NOP58: variants seen among roughly 807,000 people sequenced by gnomAD.
The protein encoded by NOP58 is nucleolar protein 58.
A neutral mutation model predicts 71.2 loss-of-function variants in NOP58; 44 were observed. The observed-to-expected ratio is 0.62, with a 90% CI of 0.49 to 0.79. The LOEUF is 0.79. Ranked by LOEUF, NOP58 falls within the 30% of genes least tolerant of loss-of-function variation. The pLI is 0.00. For missense variants in NOP58, 538 were observed against 620.2 expected, an observed-to-expected ratio of 0.87 and a Z score of 1.41; for synonymous variants, 228 against 200.3, an observed-to-expected ratio of 1.14 and a Z score of -1.17.
At chr2:202,286,226 C>T (rs7568159) in intron 5 of NOP58, among the ~76,000 whole-genome samples, 34,880 of 147,208 alleles carry the variant, frequency 0.24, 6,415 homozygotes, top group African/African-American at 0.51. Flanking sequence ...ATAGGCCAGG[C>T]GCAGTGGCTC....
At chr2:202,274,946 G>C (rs1231478332) in intron 1 of NOP58, among the ~76,000 whole-genome samples, 167 bp from the exon 2 acceptor site, 1 of 152,138 alleles carries the variant, frequency 6.6e-6, no homozygotes, top group Non-Finnish European at 1.5e-5. Flanking sequence ...ATTCGAACTA[G>C]TAATTTGACC....
intron 9 of NOP58, among the ~76,000 whole-genome samples, chr2:202,294,922 G>A (rs915986523): frequency 2.0e-5 from 3 of 151,164 alleles, no homozygotes; most frequent in East Asian, 1.9e-4. Flanking sequence ...CCAAGATCGC[G>A]CCACTGCACT....
chr2:202,277,459 C>G (rs1449448006), intron 2 of NOP58, among the ~76,000 whole-genome samples: 2 of 150,062 alleles, frequency 1.3e-5, no homozygotes. Context: ...GCGTGGGTGA[C>G]AGTGAGATTC....
chr2:202,284,636 C>A, intron 5 of NOP58, 155 bp downstream of exon 5: 1 of 756,602 alleles, frequency 1.3e-6, no homozygotes, highest in Non-Finnish European at 2.0e-6. Context: ...GAAACTGAAG[C>A]CCAAGGTCAA....
At chr2:202,275,924 C>T (rs1182978688) in intron 2 of NOP58, among the ~76,000 whole-genome samples, 2 of 152,160 alleles carry the variant, frequency 1.3e-5, no homozygotes, top group Admixed American at 6.5e-5. Context: ...CTGCCTCGGC[C>T]TCACAAAGTG....
chr2:202,277,721 C>T (rs998086212), intron 2 of NOP58, among the ~76,000 whole-genome samples: 1 of 152,104 alleles, frequency 6.6e-6, no homozygotes, highest in Admixed American at 6.6e-5. Flanking sequence ...AAAATTTCCT[C>T]CAAAGCCTAC....
chr2:202,271,844 C>T (rs113877201), intron 1 of NOP58, among the ~76,000 whole-genome samples: 18,604 of 151,698 alleles, frequency 0.12, 3,853 homozygotes, highest in African/African-American at 0.43. Context: ...CTTGGGAGGC[C>T]GAGGCAGAAG....
chr2:202,282,140 C>T (rs1406402779), intron 3 of NOP58, among the ~76,000 whole-genome samples: 1 of 152,148 alleles, frequency 6.6e-6, no homozygotes, highest in Non-Finnish European at 1.5e-5. Context: ...CCTGATTTTA[C>T]CCCTGGCTCT....
chr2:202,290,368 G>A lies in NOP58; in HGVS notation c.545G>A (p.Arg182Gln). 3.7e-6 allele frequency: 6 copies of A among 1,603,982 alleles called. No homozygotes were observed. Among genetic ancestry groups the A allele is most frequent in the South Asian group, 1.1e-5 (1 of 90,788 alleles). ...AAAGAACTAAACAACTACATTATGC[G>A]ATGTAGAGAATGGTATGGCTGGCAT... Reference protein sequence around the residue: ...LDKELNNYIMRCREWYGWHFP... With the variant: ...LDKELNNYIMQCREWYGWHFP... The change falls in exon 7 of 15, where the codon CGA becomes CAA. Residue 182 changes from arginine (R) to glutamine (Q), a missense_variant. Transcript: ENST00000264279.
At position 202,303,378 on chromosome 2, in the gene NOP58, A is replaced by C; in HGVS notation, c.1540-8A>C. The stretch of plus-strand genomic sequence containing the variant: ...CTCTTTCAAAGCATTCTTGTTGGCT[A>C]TTTTCAGAGTCCAGAGAAAAAGAAG... On this transcript the variant is annotated splice_polypyrimidine_tract_variant and splice_region_variant and intron_variant, in intron 14 of 14. Coordinates refer to ENST00000264279, the MANE Select transcript of NOP58 (RefSeq NM_015934.5). 1 of 1,612,550 alleles carries C rather than the reference A, an allele frequency of 6.2e-7. No individual in the cohort carries two copies. Among genetic ancestry groups the C allele is most frequent in the South Asian group, 1.1e-5 (1 of 90,860 alleles).
At chr2:202,267,365 A>T (rs186821251) in intron 1 of NOP58, among the ~76,000 whole-genome samples, 1 of 152,258 alleles carries the variant, frequency 6.6e-6, no homozygotes, top group Non-Finnish European at 1.5e-5. Flanking sequence ...GAAAATACGC[A>T]GTTTGCATTT....
At chr2:202,291,312 C>CTCTA in intron 8 of NOP58, 42 bp downstream of exon 8, 2 of 1,457,540 alleles carry the variant, frequency 1.4e-6, no homozygotes, top group Non-Finnish European at 1.9e-6. Flanking sequence ...GTGTTACCAG[C>CTCTA]TCTATAGTAC....
At chr2:202,298,053 G>A (rs1689024280) in intron 12 of NOP58, 147 bp downstream of exon 12, 2 of 515,444 alleles carry the variant, frequency 3.9e-6, no homozygotes, top group Non-Finnish European at 6.9e-6. Flanking sequence ...TTTATTGTGT[G>A]TATGTTGTTT....
intron 10 of NOP58, among the ~76,000 whole-genome samples, 182 bp downstream of exon 10, chr2:202,296,019 C>G (rs1688980968): frequency 6.6e-6 from 1 of 151,972 alleles, no homozygotes. Context: ...TTAGAAGAAA[C>G]TGTTATTGGT....
rs555759585 is a variant in NOP58 at position 202,278,833 on chromosome 2, T to C, written c.175+831T>C. ...TTGTTAAATAACCACAGGAGAAAGG[T>C]ACAGTTTTTGTCTGAAAATTTGGAA... is the stretch of plus-strand genomic sequence containing the variant. On this transcript the variant is annotated intron_variant, in intron 3 of 14. Coordinates refer to ENST00000264279, the MANE Select transcript of NOP58 (RefSeq NM_015934.5). Among the ~76,000 whole-genome samples the C allele has an allele frequency of 1.1e-3, 175 of 152,230 alleles. 1 individual carries two copies. Among genetic ancestry groups the C allele is most frequent in the African/African-American group, 4.0e-3 (167 of 41,538 alleles).
chr2:202,292,834 A>G lies in NOP58; in HGVS notation c.838A>G (p.Met280Val), dbSNP rs1394392551. The part of the protein sequence containing the change: ...QLYEYLQNRM[M>V]AIAPNVTVMV... Reference sequence around the variant, plus strand: ...CTATGAATATCTACAAAATCGAATGATGGCCATTGCACCCAATGTTACAGT... The same window carrying G: ...CTATGAATATCTACAAAATCGAATGGTGGCCATTGCACCCAATGTTACAGT... Residue 280 changes from methionine (M) to valine (V), a missense_variant, in exon 9 of 15, where the codon ATG (methionine) becomes GTG (valine). Physicochemically the swap from Met to Val is conservative, Grantham distance 21 (BLOSUM62 1). Transcript: ENST00000264279. 6.2e-7 allele frequency: 1 copy of G among 1,613,038 alleles called. No homozygotes were observed. The highest frequency in any genetic ancestry group is 1.1e-5 in the South Asian group (1 of 91,058).
intron 13 of NOP58, among the ~76,000 whole-genome samples, chr2:202,302,296 G>A (rs1378218095): frequency 6.6e-6 from 1 of 151,724 alleles, no homozygotes; most frequent in Non-Finnish European, 1.5e-5. Flanking sequence ...CACCATGTTG[G>A]CCAGGCTGGT....
intron 5 of NOP58, among the ~76,000 whole-genome samples, chr2:202,287,143 C>G (rs1054913982): frequency 6.8e-6 from 1 of 146,126 alleles, no homozygotes; most frequent in African/African-American, 2.5e-5. Context: ...GATCTCGGCT[C>G]ACTGCAACCT....
chr2:202,277,882 G>A (rs1688631593), intron 2 of NOP58, 68 bp from the exon 3 acceptor site: 1 of 820,670 alleles, frequency 1.2e-6, no homozygotes, highest in Non-Finnish European at 2.1e-6. Flanking sequence ...TTCTTTCCAA[G>A]TTATGTGGCT....
Sources: allele counts gnomAD v4.1 joint callset (sites outside exome capture counted in the v4.1 genomes callset), GRCh38; gene constraint gnomAD v4.1.1; transcripts MANE v1.5; gene names NCBI Gene and HGNC (gene_info 2026-07-23, HGNC 2026-07-21).